Variants in DPYS observed in about 807,000 individuals in gnomAD.
DPYS encodes the protein dihydropyrimidine amidohydrolase.
A neutral mutation model predicts 50.3 loss-of-function variants in DPYS; 39 were observed. That is an observed-to-expected ratio of 0.78 (90% CI 0.60 to 1.01). DPYS has a LOEUF of 1.01. DPYS is among the 50% of genes least tolerant of loss of function. The pLI is 0.00. For synonymous variants in DPYS, 245 were observed against 250.7 expected (o/e 0.98, Z 0.22); for missense variants, 659 against 680.9 (o/e 0.97, Z 0.36).
At chr8:104,461,969 A>C (rs984385577) in intron 1 of DPYS, among the ~76,000 whole-genome samples, 4 of 152,210 alleles carry the variant, frequency 2.6e-5, no homozygotes, top group Admixed American at 1.3e-4. Flanking sequence ...AATATCTAGA[A>C]GGATAGGGAG....
At chr8:104,430,993 C>T (rs141475455) in intron 4 of DPYS, among the ~76,000 whole-genome samples, 275 of 152,232 alleles carry the variant, frequency 1.8e-3, no homozygotes, top group African/African-American at 6.0e-3. Flanking sequence ...AGGTAATGTA[C>T]TATCTACTGG....
At chr8:104,407,158 C>A (rs141501227) in intron 7 of DPYS, among the ~76,000 whole-genome samples, 3 of 152,150 alleles carry the variant, frequency 2.0e-5, no homozygotes, top group African/African-American at 7.2e-5. Context: ...TTTTATTTAA[C>A]CCTATGGAAG....
intron 7 of DPYS, among the ~76,000 whole-genome samples, chr8:104,408,341 C>A (rs376926666): frequency 6.6e-6 from 1 of 152,018 alleles, no homozygotes; most frequent in Admixed American, 6.5e-5. Context: ...AATAAAGACA[C>A]AAATAATATT....
At chr8:104,426,097 T>C (rs889864212) in intron 6 of DPYS, among the ~76,000 whole-genome samples, 1 of 152,110 alleles carries the variant, frequency 6.6e-6, no homozygotes, top group Non-Finnish European at 1.5e-5. Flanking sequence ...AGAGAAGTCA[T>C]CTGGGATGGT....
chr8:104,404,770 G>A (rs111461087), intron 7 of DPYS, among the ~76,000 whole-genome samples: 6,947 of 152,332 alleles, frequency 0.046, 237 homozygotes, highest in Non-Finnish European at 0.067. Context: ...TTGAAACACA[G>A]TCACATTCAT....
intron 7 of DPYS, chr8:104,420,088 A>G (rs1235475495): frequency 6.6e-6 from 1 of 152,250 alleles, no homozygotes; most frequent in Non-Finnish European, 1.5e-5. Context: ...AAGAAAAGGA[A>G]GACAGATTGT....
At chr8:104,460,271 T>C (rs1814077144) in intron 1 of DPYS, among the ~76,000 whole-genome samples, 1 of 152,120 alleles carries the variant, frequency 6.6e-6, no homozygotes, top group African/African-American at 2.4e-5. Context: ...GGAGTGACCA[T>C]GTGGGAGGTG....
At chr8:104,466,494 C>T (rs1337311361) in intron 1 of DPYS, among the ~76,000 whole-genome samples, 163 bp downstream of exon 1, 1 of 152,158 alleles carries the variant, frequency 6.6e-6, no homozygotes, top group African/African-American at 2.4e-5. Flanking sequence ...CGAAGAGAAT[C>T]TGAGTCCCCT....
intron 1 of DPYS, among the ~76,000 whole-genome samples, chr8:104,461,168 C>G (rs1303893626): frequency 6.6e-6 from 1 of 150,756 alleles, no homozygotes; most frequent in East Asian, 1.9e-4. Context: ...TGGCGTGCAC[C>G]TGCAGTCCCA....
At chr8:104,423,685 T>G (rs1812625712) in intron 7 of DPYS, among the ~76,000 whole-genome samples, 1 of 152,294 alleles carries the variant, frequency 6.6e-6, no homozygotes, top group Middle Eastern at 3.4e-3. Flanking sequence ...AGCTCCAGTC[T>G]CTATTGACTG....
At chr8:104,418,347 G>A (rs1254719723) in intron 7 of DPYS, among the ~76,000 whole-genome samples, 1 of 151,902 alleles carries the variant, frequency 6.6e-6, no homozygotes, top group Non-Finnish European at 1.5e-5. Context: ...AATGGTGTGA[G>A]ACAAAAATCC....
chr8:104,419,012 A>G (rs1812464333), intron 7 of DPYS: 2 of 985,324 alleles, frequency 2.0e-6, no homozygotes, highest in African/African-American at 3.5e-5. Context: ...GCTTCATTTC[A>G]TCTCTCTAAG....
At position 104,429,562 on chromosome 8, in the gene DPYS, G is replaced by A. The variant is rs767671230; in HGVS notation, c.933C>T (p.Leu311=). 1.2e-6 allele frequency: 2 copies of A among 1,614,108 alleles called. No individual in the cohort carries two copies. Among genetic ancestry groups the A allele is most frequent in the South Asian group, 1.1e-5 (1 of 91,078 alleles). The change falls in exon 5 of 10, where the codon CTC becomes CTT. Residue 311 remains leucine (L), a synonymous_variant. Transcript: ENST00000351513. ...ATGATTACTTAGCCAACAGATTCAT[G>A]AGGAAGTCGGGTGTTGAGGGGTCTG... ...LRPDPSTPDF[L]MNLLANDDLT... is the part of the protein sequence containing the mutation.
intron 1 of DPYS, among the ~76,000 whole-genome samples, chr8:104,452,787 G>A (rs1813794299): frequency 6.6e-6 from 1 of 152,210 alleles, no homozygotes; most frequent in South Asian, 2.1e-4. Flanking sequence ...GCTGCAGTGA[G>A]CTATGATTGC....
At chr8:104,445,425 A>C (rs905357003) in intron 3 of DPYS, among the ~76,000 whole-genome samples, 2 of 152,220 alleles carry the variant, frequency 1.3e-5, no homozygotes, top group East Asian at 3.9e-4. Context: ...ACAAGGGAGT[A>C]CTATTCTGCC....
intron 8 of DPYS, among the ~76,000 whole-genome samples, chr8:104,391,383 A>C (rs1214558505): frequency 1.3e-5 from 2 of 152,210 alleles, no homozygotes; most frequent in Non-Finnish European, 2.9e-5. Flanking sequence ...ATGGCCAGGC[A>C]AGTAATGTGT....
rs190106695 is a variant in DPYS, at chr8:104,438,422, T to A, written c.793+5826A>T. Among the ~76,000 whole-genome samples the A allele has an allele frequency of 6.7e-3, 1,025 of 152,258 alleles. 5 individuals carry two copies. Among genetic ancestry groups the A allele is most frequent in the Non-Finnish European group, 0.01 (686 of 68,006 alleles). ...CTTTGCAAGACAATAATGGTCTAAA[T>A]ATGTAGCAAACTAAAATAAGGCATG... is the stretch of plus-strand genomic sequence containing the variant. On this transcript the variant is annotated intron_variant, in intron 4 of 9. Coordinates refer to ENST00000351513, the MANE Select transcript of DPYS (RefSeq NM_001385.3).
chr8:104,437,169 C>T (rs1371502382), intron 4 of DPYS, among the ~76,000 whole-genome samples: 1 of 152,154 alleles, frequency 6.6e-6, no homozygotes, highest in African/African-American at 2.4e-5. Flanking sequence ...ACAGAAGAAA[C>T]ATTTTCAGAA....
chr8:104,463,368 G>A (rs1006761504), intron 1 of DPYS, among the ~76,000 whole-genome samples: 5 of 152,110 alleles, frequency 3.3e-5, no homozygotes, highest in African/African-American at 9.7e-5. Flanking sequence ...TTCTAAAGAC[G>A]GCTCTGCTCT....
Sources: allele counts gnomAD v4.1 joint callset (sites outside exome capture counted in the v4.1 genomes callset), GRCh38; gene constraint gnomAD v4.1.1; transcripts MANE v1.5; gene names NCBI Gene and HGNC (gene_info 2026-07-23, HGNC 2026-07-21).